Variants in CNTNAP2 observed in about 807,000 individuals in gnomAD.
CNTNAP2 encodes contactin-associated protein-like 2.
CNTNAP2 carries 98 observed loss-of-function variants against 155.2 expected under a neutral mutation model. That is an observed-to-expected ratio of 0.63 (90% CI 0.54 to 0.75). The LOEUF (loss-of-function observed/expected upper bound fraction) is 0.75, where lower values mean the gene tolerates loss of function less well. Ranked by LOEUF, CNTNAP2 falls within the 30% of genes least tolerant of loss-of-function variation. The pLI, the probability that CNTNAP2 is intolerant of heterozygous loss-of-function variation, is 0.00. For synonymous variants in CNTNAP2, 651 were observed against 631.2 expected, an observed-to-expected ratio of 1.03 and a Z score of -0.47; for missense variants, 1,727 against 1,688.1, an observed-to-expected ratio of 1.02 and a Z score of -0.40.
At chr7:147,047,019 C>G (rs1484064800) in intron 4 of CNTNAP2, among the ~76,000 whole-genome samples, 10 of 129,236 alleles carry the variant, frequency 7.7e-5, no homozygotes, top group Admixed American at 1.6e-4. Context: ...GCGACAGAGC[C>G]AGACTCCGTG....
At chr7:147,141,099 G>A (rs1336406301) in intron 8 of CNTNAP2, among the ~76,000 whole-genome samples, 1 of 152,104 alleles carries the variant, frequency 6.6e-6, no homozygotes, top group Non-Finnish European at 1.5e-5. Flanking sequence ...GTTAGGTCCT[G>A]CATTATTGAG....
At chr7:147,430,277 A>G (rs1030697545) in intron 10 of CNTNAP2, among the ~76,000 whole-genome samples, 8 of 152,326 alleles carry the variant, frequency 5.3e-5, no homozygotes, top group African/African-American at 1.9e-4. Context: ...CTATGAGGTC[A>G]CAGCCTAGGA....
intron 3 of CNTNAP2, among the ~76,000 whole-genome samples, chr7:146,892,113 G>A (rs1795790180): frequency 6.6e-6 from 1 of 152,100 alleles, no homozygotes; most frequent in African/African-American, 2.4e-5. Flanking sequence ...TGCTTTGTGT[G>A]CCATCAGCTG....
intron 8 of CNTNAP2, among the ~76,000 whole-genome samples, chr7:147,187,836 G>T (rs1349595078): frequency 6.6e-6 from 1 of 152,176 alleles, no homozygotes; most frequent in Non-Finnish European, 1.5e-5. Context: ...AAGGCAGATG[G>T]ATCACTTGAG....
At chr7:147,472,115 G>A (rs370533485) in intron 10 of CNTNAP2, among the ~76,000 whole-genome samples, 26 of 152,154 alleles carry the variant, frequency 1.7e-4, no homozygotes, top group African/African-American at 6.0e-4. Flanking sequence ...GGCAGCAGTG[G>A]AGAAGCAGGT....
intron 1 of CNTNAP2, among the ~76,000 whole-genome samples, chr7:146,146,943 T>C (rs1194224370): frequency 6.6e-6 from 1 of 152,156 alleles, no homozygotes; most frequent in African/African-American, 2.4e-5. Flanking sequence ...AGTCTTTCTG[T>C]CAAACAAACA....
chr7:147,056,531 G>A (rs1017759368), intron 4 of CNTNAP2, among the ~76,000 whole-genome samples: 3 of 152,088 alleles, frequency 2.0e-5, no homozygotes, highest in South Asian at 2.1e-4. Context: ...TAACAGCCTC[G>A]GTCATTAATC....
chr7:146,496,224 TC>T (rs35751892), intron 1 of CNTNAP2, among the ~76,000 whole-genome samples: 10,484 of 152,184 alleles, frequency 0.069, 408 homozygotes, highest in Non-Finnish European at 0.089. Context: ...GGCTCTGAGT[TC>T]AGGCGGTGAT....
intron 1 of CNTNAP2, among the ~76,000 whole-genome samples, chr7:146,676,694 T>C (rs1003518272): frequency 1.3e-5 from 2 of 152,074 alleles, no homozygotes; most frequent in Admixed American, 6.6e-5. Context: ...CTCACAATAA[T>C]GGAAGAAAGC....
chr7:147,551,607 A>G lies in CNTNAP2; in HGVS notation c.1778-10531A>G, dbSNP rs1338032208. Among the ~76,000 whole-genome samples, 4 of 152,158 alleles carry G rather than the reference A, an allele frequency of 2.6e-5. No homozygotes were observed. The East Asian group carries it at 7.7e-4, about 29-fold the overall frequency. ...TACATTTATATAATCCTCATATCTC[A>G]AAAGAAGTTGGAGAAAGCCACTGCC... On this transcript the variant is annotated intron_variant, in intron 11 of 23. Transcript: ENST00000361727.
chr7:147,588,240 A>G (rs1800670796), intron 12 of CNTNAP2, among the ~76,000 whole-genome samples: 1 of 152,158 alleles, frequency 6.6e-6, no homozygotes, highest in Non-Finnish European at 1.5e-5. Context: ...AAACAGAGAA[A>G]GAGGTGCTGG....
intron 1 of CNTNAP2, among the ~76,000 whole-genome samples, chr7:146,334,346 G>C (rs866810311): frequency 1.3e-5 from 2 of 151,748 alleles, no homozygotes; most frequent in African/African-American, 4.8e-5. Context: ...CAGGAGAATG[G>C]CGTGAACCCG....
intron 3 of CNTNAP2, among the ~76,000 whole-genome samples, chr7:147,014,349 C>T (rs1798681508): frequency 6.6e-6 from 1 of 151,970 alleles, no homozygotes; most frequent in Non-Finnish European, 1.5e-5. Flanking sequence ...ATTTGTAATA[C>T]ATTGGTTTGT....
chr7:147,710,609 C>A (rs1796388597), intron 13 of CNTNAP2, among the ~76,000 whole-genome samples: 1 of 152,102 alleles, frequency 6.6e-6, no homozygotes, highest in South Asian at 2.1e-4. Flanking sequence ...TTTATCATAA[C>A]ATTGACTATA....
chr7:147,538,801 C>G (rs1458677285), intron 11 of CNTNAP2, among the ~76,000 whole-genome samples: 1 of 151,958 alleles, frequency 6.6e-6, no homozygotes, highest in East Asian at 1.9e-4. Context: ...AGTATTTTAA[C>G]TTTTTTTCTC....
intron 1 of CNTNAP2, among the ~76,000 whole-genome samples, chr7:146,534,522 T>C (rs1419947237): frequency 6.6e-6 from 1 of 152,090 alleles, no homozygotes; most frequent in Non-Finnish European, 1.5e-5. Flanking sequence ...CTGACCCACA[T>C]AAAAAGACCC....
intron 6 of CNTNAP2, chr7:147,122,023 A>G (rs1010602316): frequency 6.6e-6 from 1 of 152,130 alleles, no homozygotes; most frequent in Non-Finnish European, 1.5e-5. Context: ...TAAAAATACA[A>G]AAATTAGCTG....
At chr7:148,357,476 T>C (rs1798539173) in intron 21 of CNTNAP2, among the ~76,000 whole-genome samples, 1 of 152,166 alleles carries the variant, frequency 6.6e-6, no homozygotes, top group South Asian at 2.1e-4. Flanking sequence ...CCCTCTCCCA[T>C]CAGCCTTCTC....
At chr7:147,377,191 G>T (rs1796450121) in intron 9 of CNTNAP2, among the ~76,000 whole-genome samples, 2 of 144,616 alleles carry the variant, frequency 1.4e-5, no homozygotes, top group South Asian at 2.2e-4. Flanking sequence ...CCCTACAATT[G>T]CTTTGAAATG....
Sources: gnomAD v4.1 joint callset for allele counts (sites outside exome capture counted in the v4.1 genomes callset) on GRCh38, gnomAD v4.1.1 for gene constraint, MANE v1.5 for transcripts, NCBI Gene and HGNC (gene_info 2026-07-23, HGNC 2026-07-21) for gene names.